The following DGKZ variants were observed in gnomAD, a reference collection of about 807,000 sequenced individuals.
DGKZ encodes the protein diacylglycerol kinase zeta, also known as DAG kinase zeta.
DGKZ carries 45 observed loss-of-function variants against 142.5 expected under a neutral mutation model. That is an observed-to-expected ratio of 0.32 (90% CI 0.25 to 0.40). The LOEUF is 0.40. DGKZ is among the 10% of genes least tolerant of loss of function. The pLI is 1.00. For synonymous variants in DGKZ, 442 were observed against 527.0 expected (o/e 0.84, Z 2.21); for missense variants, 755 against 1,306.5 (o/e 0.58, Z 6.51).
At chr11:46,352,744 C>G (rs532577008) in intron 1 of DGKZ, among the ~76,000 whole-genome samples, 1 of 152,214 alleles carries the variant, frequency 6.6e-6, no homozygotes, top group Non-Finnish European at 1.5e-5. Context: ...CAGGTTCTTC[C>G]GCTCCCCGAG....
chr11:46,363,910 G>A (rs1245912394), intron 1 of DGKZ, among the ~76,000 whole-genome samples: 5 of 152,166 alleles, frequency 3.3e-5, no homozygotes, highest in Admixed American at 6.5e-5. Flanking sequence ...TTCAGGTCCC[G>A]AATGCCGCTG....
At chr11:46,341,346 T>C (rs1287711742) in intron 1 of DGKZ, among the ~76,000 whole-genome samples, 4 of 152,156 alleles carry the variant, frequency 2.6e-5, no homozygotes, top group Non-Finnish European at 4.4e-5. Flanking sequence ...CAAGACTAAG[T>C]GCACAAAAAG....
intron 1 of DGKZ, among the ~76,000 whole-genome samples, chr11:46,353,531 TCATCATGTGG>T (rs1941658198): frequency 6.6e-6 from 1 of 152,094 alleles, no homozygotes; most frequent in Non-Finnish European, 1.5e-5. Flanking sequence ...TGTGAGCCCG[TCATCATGTGG>T]CGTCCGGGCT....
chr11:46,377,196 T>C, exon 25 of DGKZ: 1 of 1,598,576 alleles, frequency 6.3e-7, no homozygotes, highest in Non-Finnish European at 8.5e-7. Flanking sequence ...CACCTCACCC[T>C]GCTCACCCAC....
intron 27 of DGKZ, chr11:46,378,724 C>T: frequency 1.2e-6 from 1 of 837,284 alleles, no homozygotes. Context: ...GTCCACCTGT[C>T]CCTGGTGCTT....
At chr11:46,364,775 A>G in intron 1 of DGKZ, 1 of 985,446 alleles carries the variant, frequency 1.0e-6, no homozygotes, top group Non-Finnish European at 1.2e-6. Context: ...CTCCTGCCCA[A>G]CATGCGTCCA....
upstream of DGKZ, among the ~76,000 whole-genome samples, chr11:46,343,449 T>C (rs942167510): frequency 1.3e-5 from 2 of 152,218 alleles, no homozygotes; most frequent in Admixed American, 1.3e-4. Flanking sequence ...TGAACTGAAC[T>C]GATGCTGTTT....
intron 1 of DGKZ, among the ~76,000 whole-genome samples, chr11:46,350,870 T>A (rs1941292241): frequency 6.6e-6 from 1 of 150,932 alleles, no homozygotes; most frequent in Admixed American, 6.6e-5. Flanking sequence ...TTTTTTTTTT[T>A]AGCTCAGTGA....
At chr11:46,336,041 C>A (rs1939996389) in intron 1 of DGKZ, among the ~76,000 whole-genome samples, 1 of 152,214 alleles carries the variant, frequency 6.6e-6, no homozygotes, top group Admixed American at 6.5e-5. Context: ...AGTTGAAAGC[C>A]CTTTCCAGAG....
Position 46,372,059 on chromosome 11 carries a change from T to C in DGKZ, c.832-16T>C, listed in dbSNP as rs1565064190. On this transcript the variant is annotated splice_polypyrimidine_tract_variant and intron_variant, in intron 9 of 30. Transcript: ENST00000527911. The surrounding 1 kb of genome is among the most constrained non-coding windows in gnomAD (Gnocchi z 5.9). ...TGGACGGGAAGGAGCTTACAGCCTC[T>C]CACCTTGTCTCCCAGGAGGGCCGCT... 3 of 1,601,098 alleles carry C rather than the reference T, an allele frequency of 1.9e-6. No homozygotes were observed. The African/African-American group carries it at 4.0e-5, about 21-fold the overall frequency.
At chr11:46,364,928 C>CT in intron 1 of DGKZ, 1 of 985,462 alleles carries the variant, frequency 1.0e-6, no homozygotes, top group South Asian at 4.7e-5. Flanking sequence ...CCACCAGTCT[C>CT]TCCCCAGGAC....
chr11:46,344,988 C>T (rs1319485509), upstream of DGKZ, among the ~76,000 whole-genome samples: 1 of 152,202 alleles, frequency 6.6e-6, no homozygotes, highest in South Asian at 2.1e-4. Context: ...TTCCTGTATG[C>T]CCAGCCCTGT....
rs1037585069 is a variant in DGKZ, at chr11:46,371,299, C to T, written c.571-14C>T. The T allele has an allele frequency of 1.2e-5, 20 of 1,612,924 alleles. No individual in the cohort carries two copies. The Admixed American group carries it at 3.0e-4, about 24-fold the overall frequency. On this transcript the variant is annotated splice_polypyrimidine_tract_variant and intron_variant, in intron 6 of 30. Transcript: ENST00000527911. The stretch of plus-strand genomic sequence containing the variant: ...ACGCCTGCCCTGGTTCCCATCCATC[C>T]TGTCTACCCTCAGGGATTCCAGCAG...
chr11:46,376,716 G>A (rs1160747466), intron 24 of DGKZ, 152 bp downstream of exon 24: 44 of 1,031,030 alleles, frequency 4.3e-5, no homozygotes, highest in South Asian at 4.0e-4. Flanking sequence ...CATGGACAGC[G>A]TGCGGCCCTG....
chr11:46,365,798 G>A, intron 1 of DGKZ: 1 of 985,388 alleles, frequency 1.0e-6, no homozygotes, highest in Non-Finnish European at 1.2e-6. Context: ...GCCCTGCCCT[G>A]GGCCCCACCG....
intron 24 of DGKZ, 73 bp downstream of exon 24, chr11:46,376,637 C>T (rs1590635616): frequency 3.2e-6 from 5 of 1,581,248 alleles, no homozygotes; most frequent in Non-Finnish European, 4.3e-6. Context: ...GGACGCCTTC[C>T]CTGTTAGCTC....
intron 1 of DGKZ, among the ~76,000 whole-genome samples, chr11:46,350,442 C>T (rs143499096): frequency 6.6e-6 from 1 of 152,342 alleles, no homozygotes; most frequent in Non-Finnish European, 1.5e-5. Flanking sequence ...TCCATGCTAG[C>T]TCTTAACCTA....
chr11:46,335,580 C>T (rs1227314685), intron 1 of DGKZ, among the ~76,000 whole-genome samples: 1 of 152,188 alleles, frequency 6.6e-6, no homozygotes, highest in Non-Finnish European at 1.5e-5. Flanking sequence ...TCCCCCCAAC[C>T]CCTGCCTCCA....
chr11:46,355,314 T>C (rs1174497270), intron 1 of DGKZ, among the ~76,000 whole-genome samples: 1 of 151,964 alleles, frequency 6.6e-6, no homozygotes, highest in African/African-American at 2.4e-5. Flanking sequence ...TTCGCCATGT[T>C]AGCCAGGATG....
Sources: gnomAD v4.1 joint callset for allele counts (sites outside exome capture counted in the v4.1 genomes callset) on GRCh38, gnomAD v4.1.1 for gene constraint, Gnocchi (gnomAD v3.1) non-coding constraint, MANE v1.5 for transcripts, NCBI Gene and HGNC (gene_info 2026-07-23, HGNC 2026-07-21) for gene names.